The following CSMD1 variants were observed in gnomAD, a reference collection of about 807,000 sequenced individuals.
CSMD1 encodes CUB and sushi domain-containing protein 1.
A neutral mutation model predicts 417.5 loss-of-function variants in CSMD1; 213 were observed. The observed-to-expected ratio is 0.51, with a 90% confidence interval of 0.46 to 0.57. The LOEUF (loss-of-function observed/expected upper bound fraction) is 0.57, where lower values mean the gene tolerates loss of function less well. Among genes scored for constraint, CSMD1 ranks in the 20% least tolerant of loss-of-function variants. The pLI, the probability that CSMD1 is intolerant of heterozygous loss-of-function variation, is 0.00. For missense variants in CSMD1, 6,923 were observed against 4,529.7 expected (o/e 1.53, Z -15.17); for synonymous variants, 2,862 against 1,736.8 (o/e 1.65, Z -16.11).
chr8:3,862,789 C>A (rs1246906437), intron 5 of CSMD1, among the ~76,000 whole-genome samples: 1 of 152,306 alleles, frequency 6.6e-6, no homozygotes, highest in East Asian at 1.9e-4. Flanking sequence ...GAGAAGTTAA[C>A]TGCCTATCAC....
At chr8:3,720,620 T>TTCTCACAAACACAC (rs72331833) in intron 6 of CSMD1, among the ~76,000 whole-genome samples, 1 of 143,322 alleles carries the variant, frequency 7.0e-6, no homozygotes, top group Admixed American at 7.0e-5. Context: ...TCTTTATTCT[T>TTCTCACAAACACAC]ACACACACAC....
chr8:3,188,193 T>C (rs1409571860), intron 35 of CSMD1, among the ~76,000 whole-genome samples: 1 of 145,686 alleles, frequency 6.9e-6, no homozygotes, highest in Non-Finnish European at 1.5e-5. Flanking sequence ...TATATATACC[T>C]TAATCATGAA....
chr8:4,964,124 T>G (rs896886353), intron 1 of CSMD1, among the ~76,000 whole-genome samples: 15 of 152,216 alleles, frequency 9.9e-5, no homozygotes, highest in African/African-American at 3.6e-4. Flanking sequence ...ACTATCTTCA[T>G]TTTTATCTTC....
intron 26 of CSMD1, among the ~76,000 whole-genome samples, chr8:3,249,115 C>T (rs577972115): frequency 2.0e-5 from 3 of 152,104 alleles, no homozygotes; most frequent in East Asian, 1.9e-4. Flanking sequence ...GCACTTAGCC[C>T]GAGAATTGGC....
At chr8:4,929,604 A>T (rs552882983) in intron 1 of CSMD1, among the ~76,000 whole-genome samples, 100 of 152,290 alleles carry the variant, frequency 6.6e-4, no homozygotes, top group Non-Finnish European at 1.2e-3. Flanking sequence ...TTTGTCTACA[A>T]ATGATTTCAT....
chr8:3,705,523 C>G (rs958657347), intron 7 of CSMD1, among the ~76,000 whole-genome samples: 1 of 152,164 alleles, frequency 6.6e-6, no homozygotes, highest in Non-Finnish European at 1.5e-5. Flanking sequence ...CTTTTACTCC[C>G]AGGGGAGTCT....
At chr8:3,953,296 C>A (rs967184585) in intron 5 of CSMD1, among the ~76,000 whole-genome samples, 4 of 152,174 alleles carry the variant, frequency 2.6e-5, no homozygotes, top group Non-Finnish European at 4.4e-5. Flanking sequence ...CTCAGAAATT[C>A]TCTCATAAAA....
At chr8:3,102,527 A>AAT (rs138690424) in intron 46 of CSMD1, among the ~76,000 whole-genome samples, 3,923 of 152,282 alleles carry the variant, frequency 0.026, 140 homozygotes, top group East Asian at 0.18. Flanking sequence ...TTAGAGAATA[A>AAT]CGCTCATGTT....
At chr8:4,735,369 T>C (rs993457682) in intron 1 of CSMD1, among the ~76,000 whole-genome samples, 2 of 152,198 alleles carry the variant, frequency 1.3e-5, no homozygotes, top group African/African-American at 4.8e-5. Context: ...GCCAAGCCCA[T>C]TGTCTTTCTC....
intron 23 of CSMD1, among the ~76,000 whole-genome samples, chr8:3,315,628 G>A (rs867749203): frequency 1.3e-5 from 2 of 152,020 alleles, no homozygotes; most frequent in Non-Finnish European, 2.9e-5. Flanking sequence ...GCAGCCCCAT[G>A]GTAAGATACT....
chr8:3,408,524 G>A (rs532750859), intron 13 of CSMD1, among the ~76,000 whole-genome samples: 40 of 147,354 alleles, frequency 2.7e-4, no homozygotes, highest in Non-Finnish European at 5.0e-4. Flanking sequence ...ATAATTTCTA[G>A]TTATAATTTT....
At chr8:4,878,000 G>C (rs1459429698) in intron 1 of CSMD1, among the ~76,000 whole-genome samples, 1 of 152,040 alleles carries the variant, frequency 6.6e-6, no homozygotes, top group Non-Finnish European at 1.5e-5. Flanking sequence ...ACCCTGTTCA[G>C]AAATAGGACC....
At chr8:3,428,382 A>C (rs1430962267) in intron 12 of CSMD1, among the ~76,000 whole-genome samples, 2 of 152,198 alleles carry the variant, frequency 1.3e-5, no homozygotes, top group African/African-American at 4.8e-5. Flanking sequence ...TTACAGTACA[A>C]ATCTTGACAG....
intron 6 of CSMD1, among the ~76,000 whole-genome samples, chr8:3,750,014 T>C (rs935740296): frequency 2.0e-5 from 3 of 152,284 alleles, no homozygotes; most frequent in South Asian, 2.1e-4. Flanking sequence ...TTTCTACCAA[T>C]AGTGCAAAAA....
At chr8:4,575,491 A>G (rs1403096392) in intron 2 of CSMD1, among the ~76,000 whole-genome samples, 1 of 152,190 alleles carries the variant, frequency 6.6e-6, no homozygotes, top group Non-Finnish European at 1.5e-5. Flanking sequence ...GAAAAGGAAT[A>G]ATGCAGGTAT....
At chr8:3,962,700 G>C (rs2740824) in intron 5 of CSMD1, among the ~76,000 whole-genome samples, 20,709 of 152,088 alleles carry the variant, frequency 0.14, 1,564 homozygotes, top group African/African-American at 0.2. Flanking sequence ...TGGTGCAGAG[G>C]TGCGGCCCTT....
intron 6 of CSMD1, among the ~76,000 whole-genome samples, chr8:3,736,266 G>C (rs141250028): frequency 7.2e-5 from 11 of 152,064 alleles, no homozygotes; most frequent in African/African-American, 2.7e-4. Context: ...GTTTTTGACA[G>C]GGTCTCACTG....
At chr8:4,437,954 C>G (rs1014534854) in intron 2 of CSMD1, among the ~76,000 whole-genome samples, 3 of 152,088 alleles carry the variant, frequency 2.0e-5, no homozygotes, top group Non-Finnish European at 4.4e-5. Context: ...TAAGTGTTTT[C>G]CATGTATTTT....
chr8:2,943,030 G>T (rs542731213), intron 68 of CSMD1, among the ~76,000 whole-genome samples: 1 of 152,230 alleles, frequency 6.6e-6, no homozygotes, highest in Non-Finnish European at 1.5e-5. Flanking sequence ...AAATATCCCA[G>T]TTATCCATAA....
Sources: allele counts gnomAD v4.1 joint callset (sites outside exome capture counted in the v4.1 genomes callset), GRCh38; gene constraint gnomAD v4.1.1; transcripts MANE v1.5; gene names NCBI Gene and HGNC (gene_info 2026-07-23, HGNC 2026-07-21).